The following SLC25A26 variants were observed in gnomAD, a reference collection of about 807,000 sequenced individuals.
SLC25A26 encodes the protein solute carrier family 25 member 26, also known as mitochondrial S-adenosylmethionine carrier protein.
A neutral mutation model predicts 37.8 loss-of-function variants in SLC25A26; 36 were observed. That is an observed-to-expected ratio of 0.95 (90% CI 0.73 to 1.26). SLC25A26 has a LOEUF of 1.26. Among genes scored for constraint, SLC25A26 ranks in the 50% most tolerant of loss-of-function variants. The probability of loss-of-function intolerance (pLI) is 0.00; values close to 1 mark genes in which losing one functional copy is unlikely to be tolerated. For synonymous variants in SLC25A26, 129 were observed against 122.5 expected (o/e 1.05, Z -0.35); for missense variants, 390 against 331.1 (o/e 1.18, Z -1.38).
rs560355571 is a variant in SLC25A26 at position 66,250,496 on chromosome 3, G to A, written c.300+7184G>A. Among the ~76,000 whole-genome samples the A allele has an allele frequency of 1.1e-4, 17 of 152,248 alleles. 1 individual carries two copies. Among genetic ancestry groups the A allele is most frequent in the Admixed American group, 9.2e-4 (14 of 15,278 alleles). ...CAGATTTTGCATTTTGATCTTTTCC[G>A]GGCTAGTGATAGGTGATAAGATGCT... is the stretch of plus-strand genomic sequence containing the variant. On this transcript the variant is annotated intron_variant, in intron 3 of 9. Transcript: ENST00000354883.
intron 1 of SLC25A26, among the ~76,000 whole-genome samples, chr3:66,233,431 G>A (rs1447333600): frequency 6.6e-6 from 1 of 151,368 alleles, no homozygotes; most frequent in Admixed American, 6.6e-5. Flanking sequence ...TTCGGTATAA[G>A]CTACCATAAA....
At chr3:66,221,302 T>A (rs955781151) in intron 1 of SLC25A26, 175 bp downstream of exon 1, 21 of 239,344 alleles carry the variant, frequency 8.8e-5, no homozygotes, top group Non-Finnish European at 1.3e-4. Context: ...GGGCCAGGTG[T>A]TAAGGCTATG....
Position 66,294,495 on chromosome 3 carries a change from T to G in SLC25A26, c.453+31116T>G, listed in dbSNP as rs148493853. 2.5e-3 allele frequency among the ~76,000 whole-genome samples: 382 copies of G among 152,330 alleles called. 7 individuals are homozygous for G. Among genetic ancestry groups the G allele is most frequent in the Admixed American group, 0.019 (285 of 15,298 alleles). On this transcript the variant is annotated intron_variant, in intron 5 of 9. Coordinates refer to ENST00000354883, the MANE Select transcript of SLC25A26 (RefSeq NM_001379210.1). ...AACATGAAGTGGTGTTGAATTTTAT[T>G]GAAAGCCTTTTCTGTGTCTATTGAG... is the stretch of plus-strand genomic sequence containing the variant.
At chr3:66,154,389 T>TTAC (rs1157261916) in intron 1 of SLC25A26, among the ~76,000 whole-genome samples, 2 of 152,042 alleles carry the variant, frequency 1.3e-5, no homozygotes, top group Non-Finnish European at 2.9e-5. Context: ...TTCTGCAGGG[T>TTAC]TGTACGATGT....
At chr3:66,166,716 C>G (rs1020822489) in intron 1 of SLC25A26, among the ~76,000 whole-genome samples, 21 of 152,150 alleles carry the variant, frequency 1.4e-4, no homozygotes, top group Non-Finnish European at 1.3e-4. Flanking sequence ...TGAGTACCCC[C>G]AACCCTAATT....
At chr3:66,306,894 T>C (rs1448500688) in intron 5 of SLC25A26, among the ~76,000 whole-genome samples, 5 of 152,226 alleles carry the variant, frequency 3.3e-5, no homozygotes, top group Non-Finnish European at 5.9e-5. Context: ...ATTTTCTTTA[T>C]CCAGTCTATC....
At chr3:66,223,689 T>C (rs997161213) in intron 1 of SLC25A26, among the ~76,000 whole-genome samples, 3 of 152,092 alleles carry the variant, frequency 2.0e-5, no homozygotes, top group Non-Finnish European at 4.4e-5. Flanking sequence ...TTAAATGAGG[T>C]AACATTAAAC....
chr3:66,206,636 G>A (rs889110885), intron 1 of SLC25A26, among the ~76,000 whole-genome samples: 92 of 151,770 alleles, frequency 6.1e-4, no homozygotes, highest in Non-Finnish European at 1.3e-3. Flanking sequence ...ATTAGACAGA[G>A]GACATTTCAG....
intron 3 of SLC25A26, among the ~76,000 whole-genome samples, chr3:66,259,768 C>A (rs1011285212): frequency 2.6e-4 from 40 of 152,230 alleles, no homozygotes; most frequent in African/African-American, 9.4e-4. Flanking sequence ...GCATTGCAGC[C>A]AGAGTGATCT....
At position 66,154,540 on chromosome 3, in the gene SLC25A26, CTTTTTTTT is replaced by C. The variant is rs60639995; in HGVS notation, c.-354+20567_-354+20574del. Reference sequence around the variant, plus strand: ...CTGTCCAACCTCGTTTTCTTTTTTTCTTTTTTTTTTTTTTTTTTGGTGACAGTCTTGTT... The same window carrying C: ...CTGTCCAACCTCGTTTTCTTTTTTTCTTTTTTTTTTGGTGACAGTCTTGTT... On this transcript the variant is annotated intron_variant, in intron 1 of 10. Coordinates refer to the SLC25A26 transcript ENST00000676754. 7.3e-3 allele frequency among the ~76,000 whole-genome samples: 948 copies of C among 130,406 alleles called. 11 individuals carry two copies. Among genetic ancestry groups the C allele is most frequent in the African/African-American group, 0.026 (897 of 34,488 alleles). 85.6% of individuals were successfully genotyped at this position (130,406 alleles called of 152,430 possible). A position where few individuals can be genotyped will look rare whatever the true frequency, so the allele number is the denominator to read the frequency against.
chr3:66,362,953 G>T, intron 7 of SLC25A26, 24 bp downstream of exon 7: 1 of 1,498,312 alleles, frequency 6.7e-7, no homozygotes, highest in Non-Finnish European at 9.1e-7. Context: ...TATTATACTG[G>T]GAAAGACCAA....
chr3:66,154,305 TG>T (rs1427206752), intron 1 of SLC25A26, among the ~76,000 whole-genome samples: 7 of 152,166 alleles, frequency 4.6e-5, no homozygotes, highest in African/African-American at 1.7e-4. Context: ...TTTCCTTTGC[TG>T]CTTGCATTGT....
chr3:66,339,581 G>A (rs1325149993), intron 5 of SLC25A26, among the ~76,000 whole-genome samples: 1 of 151,148 alleles, frequency 6.6e-6, no homozygotes, highest in Non-Finnish European at 1.5e-5. Flanking sequence ...CCTAAAGGGT[G>A]GGAGTTTGTA....
At chr3:66,186,682 A>T (rs2070834703) in intron 1 of SLC25A26, among the ~76,000 whole-genome samples, 1 of 151,900 alleles carries the variant, frequency 6.6e-6, no homozygotes. Flanking sequence ...CTTGATACTG[A>T]CCATAACCCT....
Position 66,228,818 on chromosome 3 carries a change from A to G in SLC25A26, c.33+7691A>G, listed in dbSNP as rs555197336. Among the ~76,000 whole-genome samples, 24 of 152,346 alleles carry G rather than the reference A, an allele frequency of 1.6e-4. No individual in the cohort carries two copies. In the South Asian group the frequency reaches 4.8e-3, roughly 30 times the overall value. On this transcript the variant is annotated intron_variant, in intron 1 of 9. Coordinates refer to ENST00000354883, the MANE Select transcript of SLC25A26 (RefSeq NM_001379210.1). ...GTTTGAATTCAAGAATCATAAAGCA[A>G]TTTGAACACTTATATTTCTCTTTAA...
intron 3 of SLC25A26, among the ~76,000 whole-genome samples, chr3:66,251,921 A>G (rs910711932): frequency 2.6e-5 from 4 of 152,172 alleles, no homozygotes; most frequent in South Asian, 4.1e-4. Context: ...ACAAAAAGGA[A>G]GGGAAGCTCT....
At chr3:66,303,252 G>A (rs1271715048) in intron 5 of SLC25A26, among the ~76,000 whole-genome samples, 1 of 152,172 alleles carries the variant, frequency 6.6e-6, no homozygotes, top group Non-Finnish European at 1.5e-5. Flanking sequence ...CAGTATCAGA[G>A]AGGAGATATA....
At position 66,369,391 on chromosome 3, in the gene SLC25A26, T is replaced by C; in HGVS notation, c.569-87T>C. The C allele has an allele frequency of 2.7e-6, 3 of 1,103,168 alleles. No individual in the cohort carries two copies. The South Asian group carries it at 4.1e-5, about 15-fold the overall frequency. 68.3% of individuals were successfully genotyped at this position (1,103,168 alleles called of 1,614,324 possible). On this transcript the variant is annotated intron_variant, in intron 7 of 9. Coordinates refer to ENST00000354883, the MANE Select transcript of SLC25A26 (RefSeq NM_001379210.1). ...CAGCCAGGTGTACATAATGACGAAGTGATTTGGGCAGAGTCAGGAATTCTA... is the reference window on the plus strand; with the variant it reads ...CAGCCAGGTGTACATAATGACGAAGCGATTTGGGCAGAGTCAGGAATTCTA...
chr3:66,166,713 C>T lies in SLC25A26; in HGVS notation c.-354+32729C>T, dbSNP rs185112802. 3.1e-4 allele frequency among the ~76,000 whole-genome samples: 47 copies of T among 152,192 alleles called. No homozygotes were observed. The East Asian group carries it at 5.2e-3, about 17-fold the overall frequency. On this transcript the variant is annotated intron_variant, in intron 1 of 10. Coordinates refer to the SLC25A26 transcript ENST00000676754. ...CCCTTTTCCATTGCTGAGTGAGTACCCCCAACCCTAATTCCATATGGCTGT... is the reference window on the plus strand; with the variant it reads ...CCCTTTTCCATTGCTGAGTGAGTACTCCCAACCCTAATTCCATATGGCTGT...
Sources: allele counts gnomAD v4.1 joint callset (sites outside exome capture counted in the v4.1 genomes callset), GRCh38; gene constraint gnomAD v4.1.1; transcripts MANE v1.5; gene names NCBI Gene and HGNC (gene_info 2026-07-23, HGNC 2026-07-21).